The following GNG2 variants were observed in gnomAD, a reference collection of about 807,000 sequenced individuals.
The protein encoded by GNG2 is guanine nucleotide-binding protein G(I)/G(S)/G(O) subunit gamma-2.
A neutral mutation model predicts 5.5 loss-of-function variants in GNG2; 5 were observed. The ratio of observed to expected loss-of-function variants is 0.91; its 90% CI spans 0.48 to 1.92. GNG2 has a LOEUF of 1.92. Ranked by LOEUF, GNG2 falls within the 30% of genes most tolerant of loss-of-function variation. The pLI, the probability that GNG2 is intolerant of heterozygous loss-of-function variation, is 0.01. For synonymous variants in GNG2, 28 were observed against 32.0 expected (o/e 0.88, Z 0.42); for missense variants, 55 against 88.4 (o/e 0.62, Z 1.52).
rs540240878 is a variant in GNG2, at chr14:51,922,158, CTA to C, written c.-29-28490_-29-28489del. ...ACAGCTAAAACTCTGACAATTCAGACTATTGTGATTTGGGGATGTCTGAAATA... is the reference window on the plus strand; with the variant it reads ...ACAGCTAAAACTCTGACAATTCAGACTTGTGATTTGGGGATGTCTGAAATA... On this transcript the variant is annotated intron_variant, in intron 2 of 3. Transcript: ENST00000556766. Among the ~76,000 whole-genome samples, 779 of 152,228 alleles carry C rather than the reference CTA, an allele frequency of 5.1e-3. 19 individuals are homozygous for C. Among genetic ancestry groups the C allele is most frequent in the Middle Eastern group, 6.8e-3 (2 of 294 alleles).
At chr14:51,923,442 AAT>A (rs779802129) in intron 2 of GNG2, among the ~76,000 whole-genome samples, 7 of 149,984 alleles carry the variant, frequency 4.7e-5, no homozygotes, top group African/African-American at 4.9e-5. Flanking sequence ...TACATACACA[AAT>A]ATATATATAT....
chr14:51,920,863 T>C (rs1252906262), intron 2 of GNG2, among the ~76,000 whole-genome samples: 1 of 152,196 alleles, frequency 6.6e-6, no homozygotes, highest in Admixed American at 6.5e-5. Flanking sequence ...CATGGAAACA[T>C]GGGAGCTGGG....
chr14:51,876,542 G>T (rs1018058566), intron 1 of GNG2, among the ~76,000 whole-genome samples: 8 of 152,076 alleles, frequency 5.3e-5, no homozygotes, highest in African/African-American at 1.9e-4. Flanking sequence ...GGCTTATTTT[G>T]CCTGTCCCAC....
intron 2 of GNG2, among the ~76,000 whole-genome samples, chr14:51,915,077 G>A (rs1204436917): frequency 1.3e-5 from 2 of 152,212 alleles, no homozygotes; most frequent in African/African-American, 2.4e-5. Flanking sequence ...GTAACCCAAA[G>A]TATTTACCAT....
At chr14:51,829,692 C>T (rs1335842565) in intron 2 of GNG2, among the ~76,000 whole-genome samples, 1 of 152,116 alleles carries the variant, frequency 6.6e-6, no homozygotes, top group African/African-American at 2.4e-5. Context: ...CTGTCATTCT[C>T]CATTAAACTC....
chr14:51,946,890 A>G (rs1888673486), intron 2 of GNG2, among the ~76,000 whole-genome samples: 1 of 152,136 alleles, frequency 6.6e-6, no homozygotes, highest in Non-Finnish European at 1.5e-5. Context: ...TTCAGTCTTC[A>G]GGAGGGGATT....
intron 2 of GNG2, among the ~76,000 whole-genome samples, chr14:51,879,103 A>G (rs1181680187): frequency 6.6e-6 from 1 of 152,228 alleles, no homozygotes; most frequent in African/African-American, 2.4e-5. Flanking sequence ...ATTGTGAACT[A>G]CCGTGTCTTT....
intron 2 of GNG2, among the ~76,000 whole-genome samples, chr14:51,905,463 A>C (rs772040940): frequency 1.3e-5 from 2 of 152,184 alleles, no homozygotes; most frequent in Non-Finnish European, 2.9e-5. Flanking sequence ...ACCTCACTAC[A>C]TGGTTTGGCT....
chr14:51,835,012 A>G (rs1881293849), intron 2 of GNG2, among the ~76,000 whole-genome samples: 1 of 152,240 alleles, frequency 6.6e-6, no homozygotes, highest in African/African-American at 2.4e-5. Context: ...CCAAGGTAGC[A>G]GAATGTAACT....
intron 2 of GNG2, among the ~76,000 whole-genome samples, chr14:51,892,373 G>A (rs1594884222): frequency 6.6e-6 from 1 of 151,566 alleles, no homozygotes; most frequent in Admixed American, 6.6e-5. Flanking sequence ...GAGCTATGGC[G>A]CGATCTTGGC....
At chr14:51,877,723 A>G (rs964731540) in intron 2 of GNG2, 66 bp downstream of exon 2, 4 of 441,568 alleles carry the variant, frequency 9.1e-6, no homozygotes, top group South Asian at 6.5e-5. Context: ...AGGAAAAAAA[A>G]TGTTAAGTGG....
chr14:51,935,300 C>T (rs1057392576), intron 2 of GNG2, among the ~76,000 whole-genome samples: 3 of 152,028 alleles, frequency 2.0e-5, no homozygotes, highest in Admixed American at 1.3e-4. Context: ...GCTGGGATTA[C>T]AGGCGTGAGC....
intron 2 of GNG2, among the ~76,000 whole-genome samples, chr14:51,886,535 G>A (rs1371539876): frequency 6.6e-6 from 1 of 152,194 alleles, no homozygotes; most frequent in Non-Finnish European, 1.5e-5. Flanking sequence ...AATTTCAAGA[G>A]TACTTAGTAA....
chr14:51,960,457 C>G (rs1889539944), intron 3 of GNG2, among the ~76,000 whole-genome samples: 1 of 141,888 alleles, frequency 7.0e-6, no homozygotes, highest in Non-Finnish European at 1.6e-5. Flanking sequence ...TCTGCTAATT[C>G]TATTCATTGT....
At chr14:51,922,607 C>G (rs1278730043) in intron 2 of GNG2, among the ~76,000 whole-genome samples, 1 of 152,182 alleles carries the variant, frequency 6.6e-6, no homozygotes, top group Non-Finnish European at 1.5e-5. Flanking sequence ...TTTCCATTGC[C>G]CCTCCTTTGT....
intron 2 of GNG2, 62 bp downstream of exon 2, chr14:51,877,719 A>G (rs1408866883): frequency 2.3e-6 from 1 of 441,848 alleles, no homozygotes. Context: ...AAAGAGGAAA[A>G]AAAATGTTAA....
chr14:51,902,657 C>T (rs1169281515), intron 2 of GNG2, among the ~76,000 whole-genome samples: 6 of 152,070 alleles, frequency 3.9e-5, no homozygotes, highest in Admixed American at 6.5e-5. Context: ...CTTTGGGAGG[C>T]GAAGGTGGGA....
intron 2 of GNG2, among the ~76,000 whole-genome samples, chr14:51,919,108 A>T (rs1396124636): frequency 6.6e-6 from 1 of 152,130 alleles, no homozygotes; most frequent in East Asian, 1.9e-4. Flanking sequence ...TACAGGCATG[A>T]GCCACCGCGT....
chr14:51,868,138 G>A (rs573651152), intron 1 of GNG2, among the ~76,000 whole-genome samples: 4 of 152,230 alleles, frequency 2.6e-5, no homozygotes, highest in African/African-American at 7.2e-5. Context: ...AGAATTAATC[G>A]ATGTGTTCAA....
Sources: gnomAD v4.1 joint callset for allele counts (sites outside exome capture counted in the v4.1 genomes callset) on GRCh38, gnomAD v4.1.1 for gene constraint, MANE v1.5 for transcripts, NCBI Gene and HGNC (gene_info 2026-07-23, HGNC 2026-07-21) for gene names.